TTLL7: variants seen among roughly 807,000 people sequenced by gnomAD.
TTLL7 encodes tubulin polyglutamylase TTLL7.
In TTLL7, 53 loss-of-function variants were observed where a neutral mutation model predicts 120.2. The ratio of observed to expected loss-of-function variants is 0.44; its 90% CI spans 0.35 to 0.55. TTLL7 has a LOEUF of 0.55. Ranked by LOEUF, TTLL7 falls within the 20% of genes least tolerant of loss-of-function variation. The pLI is 0.00. For missense variants in TTLL7, 803 were observed against 1,054.7 expected, an observed-to-expected ratio of 0.76 and a Z score of 3.31; for synonymous variants, 353 against 351.7, an observed-to-expected ratio of 1.00 and a Z score of -0.04.
intron 7 of TTLL7, among the ~76,000 whole-genome samples, chr1:83,940,923 G>C (rs1557692862): frequency 6.6e-6 from 1 of 151,882 alleles, no homozygotes; most frequent in Non-Finnish European, 1.5e-5. Flanking sequence ...TAAAATCCTA[G>C]ACAAGGCCTA....
At chr1:83,988,783 A>G (rs1458021988) in intron 1 of TTLL7, among the ~76,000 whole-genome samples, 1 of 151,484 alleles carries the variant, frequency 6.6e-6, no homozygotes, top group Non-Finnish European at 1.5e-5. Flanking sequence ...ATCTCAGCTC[A>G]CTGCAGTCTC....
At chr1:83,993,081 T>C (rs1367328452) in intron 1 of TTLL7, among the ~76,000 whole-genome samples, 2 of 152,202 alleles carry the variant, frequency 1.3e-5, no homozygotes, top group Non-Finnish European at 2.9e-5. Flanking sequence ...CCAAAGATGC[T>C]AACTTTTTCT....
intron 18 of TTLL7, among the ~76,000 whole-genome samples, chr1:83,898,044 C>CA (rs1656401764): frequency 6.6e-6 from 1 of 151,838 alleles, no homozygotes; most frequent in Non-Finnish European, 1.5e-5. Flanking sequence ...TAAACAGATA[C>CA]ATTTTTGTAA....
In TTLL7 at chr1:83,867,963, A is replaced by G. The variant is rs1460388136; in HGVS notation, c.*1999T>C. On this transcript the variant is annotated 3_prime_UTR_variant, in exon 21 of 21. Coordinates refer to ENST00000260505, the MANE Select transcript of TTLL7 (RefSeq NM_024686.6). ...GATACCCTTATTCTCTTCTTCCACAAATAGCAAATTCTTCTTTGGGATGCA... is the reference window on the plus strand; with the variant it reads ...GATACCCTTATTCTCTTCTTCCACAGATAGCAAATTCTTCTTTGGGATGCA... 6.6e-6 allele frequency: 1 copy of G among 152,140 alleles called. No homozygotes were observed. The highest frequency in any genetic ancestry group is 1.9e-4 in the East Asian group (1 of 5,196). The allele number at this position is 152,140 out of a possible 1,614,324, so 9.4% of individuals were successfully genotyped here.
At chr1:83,885,113 G>A (rs947399355) in intron 19 of TTLL7, 2 of 286,794 alleles carry the variant, frequency 7.0e-6, no homozygotes, top group Non-Finnish European at 1.0e-5. Flanking sequence ...ATTAATTAGG[G>A]AATATGTTTA....
At chr1:83,903,602 T>A (rs1235555316) in intron 18 of TTLL7, among the ~76,000 whole-genome samples, 2 of 152,072 alleles carry the variant, frequency 1.3e-5, no homozygotes, top group African/African-American at 4.8e-5. Flanking sequence ...CATCTCTAGA[T>A]TACTTATAAT....
intron 10 of TTLL7, among the ~76,000 whole-genome samples, chr1:83,922,333 G>GAA (rs1369976885): frequency 4.6e-5 from 7 of 152,178 alleles, no homozygotes; most frequent in Non-Finnish European, 1.0e-4. Flanking sequence ...AAGGCGACAA[G>GAA]AAGGCCATTT....
At chr1:83,934,219 T>C (rs1056239372) in intron 8 of TTLL7, among the ~76,000 whole-genome samples, 2 of 152,186 alleles carry the variant, frequency 1.3e-5, no homozygotes, top group African/African-American at 2.4e-5. Context: ...GTGCCTACAA[T>C]AGTAGCTGGC....
chr1:83,999,027 C>G lies in TTLL7; in HGVS notation c.-273G>C. The stretch of plus-strand genomic sequence containing the variant: ...CGCAGCTTCCCCGTGGGCGGCCGCC[C>G]CGACTCGGCAGCCTGCACTGGTGGT... On this transcript the variant is annotated 5_prime_UTR_variant, in exon 1 of 21. Coordinates refer to ENST00000260505, the MANE Select transcript of TTLL7 (RefSeq NM_024686.6). The G allele has an allele frequency of 2.2e-6, 1 of 446,986 alleles. No homozygotes were observed. Among genetic ancestry groups the G allele is most frequent in the Non-Finnish European group, 4.5e-6 (1 of 224,226 alleles). 27.7% of individuals were successfully genotyped at this position (446,986 alleles called of 1,614,324 possible). A position where few individuals can be genotyped will look rare whatever the true frequency, so the allele number is the denominator to read the frequency against.
chr1:83,899,932 C>T (rs1325514849), intron 18 of TTLL7, among the ~76,000 whole-genome samples: 1 of 151,896 alleles, frequency 6.6e-6, no homozygotes, highest in Non-Finnish European at 1.5e-5. Context: ...TAGAATAAAT[C>T]AGTATCAAAG....
Position 83,991,639 on chromosome 1 carries a change from G to A in TTLL7, c.-177+7292C>T, listed in dbSNP as rs949895178. Among the ~76,000 whole-genome samples, 11 of 151,900 alleles carry A rather than the reference G, an allele frequency of 7.2e-5. 1 individual carries two copies. The highest frequency in any genetic ancestry group is 2.7e-4 in the African/African-American group (11 of 41,348). On this transcript the variant is annotated intron_variant, in intron 1 of 20. Transcript: ENST00000260505. ...AGCCTAGGTGACAGAGGGAGACCTTGTCTCAAAAAAGAAAATATATATATA... is the reference window on the plus strand; with the variant it reads ...AGCCTAGGTGACAGAGGGAGACCTTATCTCAAAAAAGAAAATATATATATA...
intron 1 of TTLL7, among the ~76,000 whole-genome samples, chr1:83,968,296 CA>C (rs1650668111): frequency 6.6e-6 from 1 of 151,854 alleles, no homozygotes; most frequent in Non-Finnish European, 1.5e-5. Flanking sequence ...TCACCTAATC[CA>C]AAAATGAGGT....
Position 83,907,505 on chromosome 1 carries a change from A to G in TTLL7, c.1943T>C (p.Met648Thr), listed in dbSNP as rs1657297620. The change falls in exon 16 of 21, where the codon ATG becomes ACG. Residue 648 changes from methionine to threonine, a missense_variant. Physicochemically the swap from Met to Thr is moderately conservative, Grantham distance 81 (BLOSUM62 -1). This residue lies in a region of TTLL7 where 388 missense variants were observed against 450.4 expected (regional missense o/e 0.86). Transcript: ENST00000260505. ...ATCATTACTGTGAGGCAGATGCCTC[A>G]TGTAGGAGGAAGCACGGTTTAAGGA... ...SHSLNRASSY[M>T]RHLPHSNDAC... is the part of the protein sequence containing the mutation. The G allele has an allele frequency of 6.2e-7, 1 of 1,613,178 alleles. No individual in the cohort carries two copies. The highest frequency in any genetic ancestry group is 2.2e-5 in the East Asian group (1 of 44,854).
chr1:83,983,111 C>T (rs1270378854), intron 1 of TTLL7, among the ~76,000 whole-genome samples: 1 of 152,080 alleles, frequency 6.6e-6, no homozygotes, highest in Admixed American at 6.6e-5. Context: ...GCAGGTGGAG[C>T]AGTTGAGGTC....
At chr1:83,942,365 G>A in intron 7 of TTLL7, 98 bp downstream of exon 7, 1 of 982,580 alleles carries the variant, frequency 1.0e-6, no homozygotes, top group Non-Finnish European at 1.5e-6. Flanking sequence ...CCTGAGAGGA[G>A]CAACTTTCAT....
At chr1:83,983,736 T>C (rs1652185391) in intron 1 of TTLL7, 1 of 152,178 alleles carries the variant, frequency 6.6e-6, no homozygotes, top group Non-Finnish European at 1.5e-5. Flanking sequence ...AAAGCTATAA[T>C]ATCCAGAATC....
intron 1 of TTLL7, among the ~76,000 whole-genome samples, chr1:83,966,995 A>G: frequency 6.6e-6 from 1 of 152,132 alleles, no homozygotes; most frequent in East Asian, 1.9e-4. Context: ...CAATGTGAAG[A>G]AGTTTACAGA....
chr1:83,993,443 A>G (rs1433256430), intron 1 of TTLL7, among the ~76,000 whole-genome samples: 1 of 152,242 alleles, frequency 6.6e-6, no homozygotes, highest in Non-Finnish European at 1.5e-5. Flanking sequence ...ACTCTGCAAA[A>G]TAGGGGGTAA....
intron 10 of TTLL7, among the ~76,000 whole-genome samples, chr1:83,922,652 G>A (rs558825107): frequency 4.0e-5 from 6 of 151,688 alleles, no homozygotes; most frequent in Non-Finnish European, 5.9e-5. Flanking sequence ...CTGGAGCTCT[G>A]GGTGAATGCA....
Sources: allele counts gnomAD v4.1 joint callset (sites outside exome capture counted in the v4.1 genomes callset), GRCh38; gene constraint gnomAD v4.1.1; regional missense constraint gnomAD v4.1.1; transcripts MANE v1.5; gene names NCBI Gene and HGNC (gene_info 2026-07-23, HGNC 2026-07-21).